GORASP2: variants seen among roughly 807,000 people sequenced by gnomAD.
The protein encoded by GORASP2 is golgi reassembly stacking protein 2, also known as Golgi reassembly-stacking protein 2.
GORASP2 carries 22 observed loss-of-function variants against 45.7 expected under a neutral mutation model. The ratio of observed to expected loss-of-function variants is 0.48; its 90% CI spans 0.34 to 0.69. GORASP2 has a LOEUF of 0.69. Ranked by LOEUF, GORASP2 falls within the 30% of genes least tolerant of loss-of-function variation. The pLI, the probability that GORASP2 is intolerant of heterozygous loss-of-function variation, is 0.01. For synonymous variants in GORASP2, 221 were observed against 215.6 expected (o/e 1.02, Z -0.22); for missense variants, 491 against 562.7 (o/e 0.87, Z 1.29).
chr2:170,944,274 T>C (rs1704137252), intron 1 of GORASP2, among the ~76,000 whole-genome samples: 1 of 152,170 alleles, frequency 6.6e-6, no homozygotes, highest in African/African-American at 2.4e-5. Context: ...ATATTTTCCA[T>C]GCTACAAAAT....
At position 170,949,569 on chromosome 2, in the gene GORASP2, C is replaced by T. The variant is rs759030111; in HGVS notation, c.175C>T (p.Leu59=). The part of the protein sequence containing the change: ...NKDNDTLKDL[L]KANVEKPVKM... Reference sequence around the variant, plus strand: ...AGACAATGACACTCTTAAGGATCTGCTGAAAGCAAACGTTGAAAAGCCTGT... The same window carrying T: ...AGACAATGACACTCTTAAGGATCTGTTGAAAGCAAACGTTGAAAAGCCTGT... The change falls in exon 3 of 10, where the codon CTG becomes TTG. Residue 59 remains leucine, a synonymous_variant. Transcript: ENST00000234160. 46 of 1,613,628 alleles carry T rather than the reference C, an allele frequency of 2.9e-5. No homozygotes were observed. Among genetic ancestry groups the T allele is most frequent in the Non-Finnish European group, 3.9e-5 (46 of 1,179,664 alleles).
At chr2:170,936,990 C>A (rs1302142914) in intron 1 of GORASP2, among the ~76,000 whole-genome samples, 2 of 152,112 alleles carry the variant, frequency 1.3e-5, no homozygotes, top group Admixed American at 1.3e-4. Context: ...GGGTGGATCA[C>A]CGAGGTCAGG....
In GORASP2 at chr2:170,966,125, C is replaced by T. The variant is rs748844462; in HGVS notation, c.1354C>T (p.Pro452Ser). Residue 452 changes from proline to serine, a missense_variant, in exon 10 of 10, where the codon CCT becomes TCT. Transcript: ENST00000234160. ...AAVDANASES[P>S] is the part of the protein sequence containing the mutation. Reference sequence around the variant, plus strand: ...TGTGGATGCCAATGCTTCTGAGTCACCTTAACTTTGAACCATTCTTTGGAA... The same window carrying T: ...TGTGGATGCCAATGCTTCTGAGTCATCTTAACTTTGAACCATTCTTTGGAA... The T allele has an allele frequency of 6.2e-7, 1 of 1,610,806 alleles. No individual in the cohort carries two copies.
intron 1 of GORASP2, among the ~76,000 whole-genome samples, chr2:170,946,223 C>G (rs991030312): frequency 2.0e-5 from 3 of 152,086 alleles, no homozygotes; most frequent in African/African-American, 7.2e-5. Context: ...CCAGGCTAGT[C>G]TCAAACTCCT....
intron 7 of GORASP2, among the ~76,000 whole-genome samples, chr2:170,958,674 T>TA (rs71008732): frequency 8.1e-5 from 8 of 99,204 alleles, no homozygotes; most frequent in African/African-American, 2.0e-4. Context: ...TTTTTTTTTT[T>TA]AAAAAAAAAA....
chr2:170,951,198 A>G lies in GORASP2; in HGVS notation c.436-130A>G, dbSNP rs1575475472. The G allele has an allele frequency of 9.4e-6, 6 of 637,250 alleles. No homozygotes were observed. The East Asian group carries it at 1.7e-4, about 18-fold the overall frequency. The allele number at this position is 637,250 out of a possible 1,614,324, so 39.5% of individuals were successfully genotyped here. A position where few individuals can be genotyped will look rare whatever the true frequency, so the allele number is the denominator to read the frequency against. On this transcript the variant is annotated intron_variant, in intron 4 of 9. Transcript: ENST00000234160. ...TGAATTAAACCTGCTTGTGATTTTTATGTCTGGGGCAGGGCCCAGAATCTG... is the reference window on the plus strand; with the variant it reads ...TGAATTAAACCTGCTTGTGATTTTTGTGTCTGGGGCAGGGCCCAGAATCTG...
chr2:170,956,005 C>T (rs1704418349), intron 6 of GORASP2, among the ~76,000 whole-genome samples: 1 of 152,212 alleles, frequency 6.6e-6, no homozygotes, highest in Non-Finnish European at 1.5e-5. Flanking sequence ...CTTGAGAAGT[C>T]TATCATGTAT....
intron 5 of GORASP2, among the ~76,000 whole-genome samples, chr2:170,952,509 T>G (rs1704321226): frequency 6.6e-6 from 1 of 152,236 alleles, no homozygotes; most frequent in South Asian, 2.1e-4. Context: ...ATTCTTAGGC[T>G]GTCTTTAAGT....
intron 1 of GORASP2, among the ~76,000 whole-genome samples, chr2:170,943,215 C>A (rs1273659042): frequency 2.0e-5 from 3 of 152,180 alleles, no homozygotes; most frequent in Non-Finnish European, 4.4e-5. Flanking sequence ...TGCCATCCAT[C>A]TGGAATTGAT....
chr2:170,939,404 C>T (rs1450386104), intron 1 of GORASP2, among the ~76,000 whole-genome samples: 1 of 151,730 alleles, frequency 6.6e-6, no homozygotes. Context: ...ACATTTGTGT[C>T]AAGACCCAAA....
At chr2:170,941,992 G>GT (rs1358697024) in intron 1 of GORASP2, among the ~76,000 whole-genome samples, 1 of 152,066 alleles carries the variant, frequency 6.6e-6, no homozygotes, top group Non-Finnish European at 1.5e-5. Flanking sequence ...AATGTCCTAC[G>GT]TCCTCACTAA....
intron 7 of GORASP2, among the ~76,000 whole-genome samples, chr2:170,959,825 T>C (rs1019641096): frequency 1.4e-4 from 20 of 147,432 alleles, no homozygotes; most frequent in Admixed American, 4.0e-4. Context: ...CTTTTTCTTT[T>C]TTTTTTTTTT....
At chr2:170,949,769 G>A (rs1206681024) in intron 3 of GORASP2, 27 bp downstream of exon 3, 1 of 1,463,242 alleles carries the variant, frequency 6.8e-7, no homozygotes, top group Non-Finnish European at 9.6e-7. Context: ...AACTGTTACT[G>A]GAGGTTCATG....
intron 5 of GORASP2, 146 bp downstream of exon 5, chr2:170,951,604 T>C (rs1168584315): frequency 1.6e-6 from 1 of 615,456 alleles, no homozygotes; most frequent in Non-Finnish European, 2.7e-6. Flanking sequence ...GTCTAGAATA[T>C]TGAAACCAAT....
At chr2:170,938,810 G>A (rs539367158) in intron 1 of GORASP2, among the ~76,000 whole-genome samples, 13 of 152,268 alleles carry the variant, frequency 8.5e-5, no homozygotes, top group African/African-American at 2.9e-4. Context: ...GGCCAACATG[G>A]TGAAACCTTG....
At chr2:170,959,106 G>A (rs1384026786) in intron 7 of GORASP2, among the ~76,000 whole-genome samples, 3 of 151,280 alleles carry the variant, frequency 2.0e-5, no homozygotes, top group Non-Finnish European at 2.9e-5. Context: ...GACTACAGGC[G>A]CACGCCACCA....
At chr2:170,944,259 A>G (rs1027088160) in intron 1 of GORASP2, among the ~76,000 whole-genome samples, 5 of 152,228 alleles carry the variant, frequency 3.3e-5, no homozygotes, top group African/African-American at 1.2e-4. Context: ...GCTATGTTGT[A>G]GATCATATTT....
chr2:170,948,262 T>A, intron 1 of GORASP2, 88 bp from the exon 2 acceptor site: 1 of 753,844 alleles, frequency 1.3e-6, no homozygotes. Flanking sequence ...TCAGTGAAAT[T>A]GGTCTATTTT....
intron 5 of GORASP2, 84 bp from the exon 6 acceptor site, chr2:170,954,566 G>A: frequency 8.7e-7 from 1 of 1,147,582 alleles, no homozygotes; most frequent in Non-Finnish European, 1.3e-6. Flanking sequence ...ATGCTCTTGG[G>A]TTACCCGCCC....
Sources: gnomAD v4.1 joint callset for allele counts (sites outside exome capture counted in the v4.1 genomes callset) on GRCh38, gnomAD v4.1.1 for gene constraint, MANE v1.5 for transcripts, NCBI Gene and HGNC (gene_info 2026-07-23, HGNC 2026-07-21) for gene names.